The following OGDH variants were observed in gnomAD, a reference collection of about 807,000 sequenced individuals.
The protein encoded by OGDH is 2-oxoglutarate dehydrogenase complex component E1.
OGDH carries 38 observed loss-of-function variants against 116.6 expected under a neutral mutation model. The ratio of observed to expected loss-of-function variants is 0.33; its 90% CI spans 0.25 to 0.43. The LOEUF (loss-of-function observed/expected upper bound fraction) is 0.43. Among genes scored for constraint, OGDH ranks in the 20% least tolerant of loss-of-function variants. The probability of loss-of-function intolerance (pLI) is 1.00; values close to 1 mark genes in which losing one functional copy is unlikely to be tolerated. For missense variants in OGDH, 825 were observed against 1,357.2 expected, an observed-to-expected ratio of 0.61 and a Z score of 6.16; for synonymous variants, 488 against 533.3, an observed-to-expected ratio of 0.92 and a Z score of 1.17.
Position 44,645,376 on chromosome 7 carries a change from C to G in OGDH, c.272C>G (p.Thr91Ser), listed in dbSNP as rs771809558. Residue 91 changes from threonine to serine, a missense_variant, in exon 3 of 23, where the codon ACT becomes AGT. Thr to Ser is a moderately conservative substitution (Grantham distance 58). Around this residue, in one of 7 missense-constraint regions of OGDH, gnomAD observed 126 missense variants for 130.4 expected, o/e 0.97. Transcript: ENST00000222673. ...RNTNAGAPPG[T>S]AYQSPLPLSR... ...ACGAATGCCGGAGCCCCACCGGGCA[C>G]TGCCTACCAGAGTCCCCTTCCCCTG... The G allele has an allele frequency of 6.2e-7, 1 of 1,614,208 alleles. No homozygotes were observed. Among genetic ancestry groups the G allele is most frequent in the Non-Finnish European group, 8.5e-7 (1 of 1,180,032 alleles).
At chr7:44,652,601 A>G (rs755021681) in intron 4 of OGDH, among the ~76,000 whole-genome samples, 1 of 151,744 alleles carries the variant, frequency 6.6e-6, no homozygotes, top group Non-Finnish European at 1.5e-5. Flanking sequence ...GGGTCTTATT[A>G]TGTTGCCCAG....
chr7:44,666,749 G>A lies in OGDH; in HGVS notation c.531G>A (p.Leu177=), dbSNP rs1252253116. ...SSTDKLGFYG[L]DESDLDKVFH... is the part of the protein sequence containing the mutation. ...ATCGCCCTGCAGGGTTCTATGGCCT[G>A]GATGAGTCTGACCTCGACAAGGTCT... Residue 177 remains leucine, a synonymous_variant, in exon 5 of 23, where the codon CTG becomes CTA. Transcript: ENST00000222673. 13 of 1,610,562 alleles carry A rather than the reference G, an allele frequency of 8.1e-6. No homozygotes were observed. Among genetic ancestry groups the A allele is most frequent in the Non-Finnish European group, 1.0e-5 (12 of 1,178,128 alleles).
At chr7:44,612,824 T>C (rs1784616873) in intron 1 of OGDH, among the ~76,000 whole-genome samples, 1 of 152,076 alleles carries the variant, frequency 6.6e-6, no homozygotes, top group Non-Finnish European at 1.5e-5. Context: ...GCCTCCTGAG[T>C]AGCTGGGACT....
chr7:44,697,562 G>A lies in OGDH; in HGVS notation c.2180-42G>A. 1 of 1,613,814 alleles carries A rather than the reference G, an allele frequency of 6.2e-7. No individual in the cohort carries two copies. Among genetic ancestry groups the A allele is most frequent in the East Asian group, 2.2e-5 (1 of 44,868 alleles). ...CCCACCCCCGCTGGGCCTACTGGCT[G>A]GTGTCCTGGACATGGTTTTCTCCTT... On this transcript the variant is annotated intron_variant, in intron 16 of 22. Coordinates refer to ENST00000222673, the MANE Select transcript of OGDH (RefSeq NM_002541.4). This position sits in a 1 kb window ranked among gnomAD's most constrained non-coding sequence, Gnocchi z 6.0.
intron 5 of OGDH, among the ~76,000 whole-genome samples, chr7:44,671,490 G>A (rs890786648): frequency 3.9e-5 from 6 of 152,194 alleles, no homozygotes; most frequent in Non-Finnish European, 5.9e-5. Flanking sequence ...ATAGCCGGGC[G>A]CGGTGGCTCA....
At chr7:44,672,060 C>G (rs1787484956) in intron 5 of OGDH, among the ~76,000 whole-genome samples, 1 of 151,956 alleles carries the variant, frequency 6.6e-6, no homozygotes, top group African/African-American at 2.4e-5. Context: ...CAGAGCAAGA[C>G]TCCATCTCAA....
rs796789969 is a variant in OGDH at position 44,705,184 on chromosome 7, C to G, written c.2633-2041C>G. ...TCTCCTGCCTCAGCCTCCCAAGTAG[C>G]TGGGACTACAGGCGCCCGCCACTAC... On this transcript the variant is annotated intron_variant, in intron 20 of 22. Transcript: ENST00000222673. Among the ~76,000 whole-genome samples the G allele has an allele frequency of 7.7e-3, 1,120 of 145,872 alleles. 25 individuals are homozygous for G. Among genetic ancestry groups the G allele is most frequent in the African/African-American group, 0.027 (1,045 of 38,214 alleles).
In OGDH at chr7:44,698,275, A is replaced by G; in HGVS notation, c.2430+12A>G. 1 of 1,612,392 alleles carries G rather than the reference A, an allele frequency of 6.2e-7. No homozygotes were observed. The highest frequency in any genetic ancestry group is 8.5e-7 in the Non-Finnish European group (1 of 1,178,784). On this transcript the variant is annotated intron_variant, in intron 18 of 22. Transcript: ENST00000222673. ...CAGATGTCCTGCCAGTGAGTAATAC[A>G]GGCCCTGTCAGCCCAGCCATTCTCG... is the stretch of plus-strand genomic sequence containing the variant.
intron 2 of OGDH, among the ~76,000 whole-genome samples, chr7:44,626,526 G>C (rs1247504730): frequency 6.6e-6 from 1 of 152,146 alleles, no homozygotes; most frequent in Non-Finnish European, 1.5e-5. Context: ...GGAGTCAGTA[G>C]CTCCTAAATG....
chr7:44,673,952 G>A lies in OGDH; in HGVS notation c.788+11G>A. The stretch of plus-strand genomic sequence containing the variant: ...TGTGCGGTCCACCAGGTATGGGTCT[G>A]GCCCTGGGCCATGGGGCAGACATTC... On this transcript the variant is annotated intron_variant, in intron 6 of 22. Transcript: ENST00000222673. The A allele has an allele frequency of 6.2e-7, 1 of 1,614,050 alleles. No individual in the cohort carries two copies. The highest frequency in any genetic ancestry group is 8.5e-7 in the Non-Finnish European group (1 of 1,179,894).
intron 5 of OGDH, among the ~76,000 whole-genome samples, chr7:44,673,279 C>T (rs923950888): frequency 6.6e-6 from 1 of 152,162 alleles, no homozygotes; most frequent in Non-Finnish European, 1.5e-5. Flanking sequence ...GATAGCGCTA[C>T]TGCACTCCCG....
At chr7:44,666,488 A>G (rs1453649205) in intron 4 of OGDH, 6 of 261,624 alleles carry the variant, frequency 2.3e-5, no homozygotes, top group Non-Finnish European at 4.3e-5. Flanking sequence ...TAACTTATGC[A>G]TAATATGAAT....
chr7:44,642,037 C>G (rs980718439), intron 2 of OGDH, among the ~76,000 whole-genome samples: 14 of 152,164 alleles, frequency 9.2e-5, no homozygotes, highest in Admixed American at 4.6e-4. Context: ...TTCATGAGAA[C>G]CGATTTAATG....
At chr7:44,615,950 G>C (rs2117239954) in intron 1 of OGDH, among the ~76,000 whole-genome samples, 1 of 151,714 alleles carries the variant, frequency 6.6e-6, no homozygotes, top group South Asian at 2.1e-4. Context: ...AATCACTTGA[G>C]CCTGGGAGGT....
Position 44,647,646 on chromosome 7 carries a change from G to T in OGDH, c.415-11G>T, listed in dbSNP as rs1431327114. The T allele has an allele frequency of 6.2e-7, 1 of 1,608,924 alleles. No individual in the cohort carries two copies. Among genetic ancestry groups the T allele is most frequent in the East Asian group, 2.2e-5 (1 of 44,840 alleles). Reference sequence around the variant, plus strand: ...TGTGTGTCCTTCCCTCTCATCGTTGGCCACTCATAGATACGAGGGCACCAT... The same window carrying T: ...TGTGTGTCCTTCCCTCTCATCGTTGTCCACTCATAGATACGAGGGCACCAT... On this transcript the variant is annotated splice_polypyrimidine_tract_variant and intron_variant, in intron 3 of 22. Transcript: ENST00000222673.
At chr7:44,687,411 T>A (rs1788180476) in intron 10 of OGDH, among the ~76,000 whole-genome samples, 1 of 151,142 alleles carries the variant, frequency 6.6e-6, no homozygotes, top group Admixed American at 6.6e-5. Context: ...AAAAAAGAAA[T>A]TTTTTTTGTT....
At chr7:44,643,945 G>A (rs543191060) in intron 2 of OGDH, among the ~76,000 whole-genome samples, 10 of 152,036 alleles carry the variant, frequency 6.6e-5, no homozygotes, top group Non-Finnish European at 1.2e-4. Flanking sequence ...GATGGCTTAC[G>A]CCTGTAATCC....
intron 4 of OGDH, among the ~76,000 whole-genome samples, chr7:44,654,079 T>C (rs1480082755): frequency 6.6e-6 from 1 of 152,206 alleles, no homozygotes. Flanking sequence ...GGTCTCAAAC[T>C]CCTGAGCTCA....
intron 2 of OGDH, among the ~76,000 whole-genome samples, chr7:44,635,570 A>G (rs1785630134): frequency 6.6e-6 from 1 of 152,148 alleles, no homozygotes; most frequent in Non-Finnish European, 1.5e-5. Context: ...TGTAGGGGCT[A>G]TGGATAGATG....
Sources: allele counts gnomAD v4.1 joint callset (sites outside exome capture counted in the v4.1 genomes callset), GRCh38; gene constraint gnomAD v4.1.1; regional missense constraint gnomAD v4.1.1; non-coding constraint Gnocchi (gnomAD v3.1); transcripts MANE v1.5; gene names NCBI Gene and HGNC (gene_info 2026-07-23, HGNC 2026-07-21).